The following PSD3 variants were observed in gnomAD, a reference collection of about 807,000 sequenced individuals.
The protein encoded by PSD3 is PH and SEC7 domain-containing protein 3.
A neutral mutation model predicts 105.5 loss-of-function variants in PSD3; 49 were observed. The observed-to-expected ratio is 0.46, with a 90% CI of 0.37 to 0.59. The LOEUF (loss-of-function observed/expected upper bound fraction) is 0.59. PSD3 is among the 20% of genes least tolerant of loss of function. PSD3 has a pLI of 0.00. For missense variants in PSD3, 1,561 were observed against 1,263.8 expected (o/e 1.24, Z -3.57); for synonymous variants, 557 against 457.8 (o/e 1.22, Z -2.77).
intron 1 of PSD3, among the ~76,000 whole-genome samples, chr8:19,063,269 A>T (rs1828964079): frequency 6.6e-6 from 1 of 152,224 alleles, no homozygotes; most frequent in African/African-American, 2.4e-5. Flanking sequence ...TAGCTTACCA[A>T]GAGTTAACCA....
chr8:18,554,038 G>T (rs1330735137), intron 15 of PSD3, among the ~76,000 whole-genome samples: 2 of 152,146 alleles, frequency 1.3e-5, no homozygotes, highest in Non-Finnish European at 2.9e-5. Context: ...TGAAAATGCT[G>T]GCTCTTGGTG....
chr8:18,742,133 A>C (rs972893608), intron 9 of PSD3, among the ~76,000 whole-genome samples: 15 of 152,246 alleles, frequency 9.9e-5, no homozygotes, highest in African/African-American at 3.6e-4. Flanking sequence ...CACAAGTCCA[A>C]GAGAACAGAA....
At chr8:18,905,746 A>G (rs1819802851) in intron 2 of PSD3, among the ~76,000 whole-genome samples, 4 of 152,182 alleles carry the variant, frequency 2.6e-5, no homozygotes, top group Admixed American at 2.6e-4. Flanking sequence ...AATACCTATC[A>G]TAGTATTCTG....
chr8:18,650,552 C>T (rs978669725), intron 10 of PSD3, among the ~76,000 whole-genome samples: 5 of 152,184 alleles, frequency 3.3e-5, no homozygotes, highest in South Asian at 2.1e-4. Flanking sequence ...CTCTTCATTA[C>T]AGTTTTTGTA....
At chr8:18,646,125 C>T (rs754464607) in intron 10 of PSD3, among the ~76,000 whole-genome samples, 11 of 152,126 alleles carry the variant, frequency 7.2e-5, no homozygotes, top group Non-Finnish European at 1.3e-4. Context: ...TCAAGAGGCA[C>T]AATAGCAACT....
intron 11 of PSD3, among the ~76,000 whole-genome samples, chr8:18,627,971 A>C (rs1419936286): frequency 6.6e-6 from 1 of 152,052 alleles, no homozygotes; most frequent in Non-Finnish European, 1.5e-5. Flanking sequence ...CCTGATAAGG[A>C]GAGAAACGGA....
intron 9 of PSD3, among the ~76,000 whole-genome samples, chr8:18,752,587 T>A (rs1333805865): frequency 1.1e-4 from 8 of 72,002 alleles, no homozygotes; most frequent in African/African-American, 2.6e-4. Context: ...TTATATATAT[T>A]ATATATTATA....
chr8:19,073,550 C>CAAAA lies in PSD3; in HGVS notation c.324+10652_324+10655dup, dbSNP rs869154642. Among the ~76,000 whole-genome samples the CAAAA allele has an allele frequency of 7.9e-3, 543 of 69,134 alleles. 28 individuals are homozygous for CAAAA. Among genetic ancestry groups the CAAAA allele is most frequent in the Middle Eastern group, 0.037 (3 of 80 alleles). The allele number at this position is 69,134 out of a possible 152,430, so 45.4% of individuals were successfully genotyped here. On this transcript the variant is annotated intron_variant, in intron 1 of 1. Coordinates refer to the PSD3 transcript ENST00000521475. ...TGGGCGACAGAGTGAAACTGTCTCT[C>CAAAA]AAAAAAAAAAAAAAAAAAAAAAAAA...
At chr8:18,926,111 TG>T (rs1341768071) in intron 2 of PSD3, among the ~76,000 whole-genome samples, 16 of 140,518 alleles carry the variant, frequency 1.1e-4, no homozygotes, top group East Asian at 9.5e-4. Context: ...AATGGTATGT[TG>T]TTTTTTTTTT....
intron 1 of PSD3, among the ~76,000 whole-genome samples, chr8:18,999,174 T>TGG (rs1826238153): frequency 6.6e-6 from 1 of 151,934 alleles, no homozygotes; most frequent in Non-Finnish European, 1.5e-5. Flanking sequence ...AATAACCCTT[T>TGG]TCATTCCTTA....
intron 9 of PSD3, among the ~76,000 whole-genome samples, chr8:18,705,141 C>T (rs937473854): frequency 6.6e-6 from 1 of 152,118 alleles, no homozygotes; most frequent in African/African-American, 2.4e-5. Context: ...TGCATTCATT[C>T]TTTGACTCAG....
intron 9 of PSD3, among the ~76,000 whole-genome samples, chr8:18,717,140 C>T (rs1241265197): frequency 1.3e-5 from 2 of 152,032 alleles, no homozygotes; most frequent in Non-Finnish European, 1.5e-5. Flanking sequence ...TTTTTTGTTC[C>T]CGTCTCCAAT....
intron 11 of PSD3, among the ~76,000 whole-genome samples, chr8:18,617,318 G>A (rs150027725): frequency 6.6e-6 from 1 of 152,090 alleles, no homozygotes; most frequent in Admixed American, 6.6e-5. Flanking sequence ...ATCACCTGAG[G>A]TAAGGGGTTC....
At chr8:18,565,998 T>C (rs904562474) in intron 14 of PSD3, among the ~76,000 whole-genome samples, 1 of 152,072 alleles carries the variant, frequency 6.6e-6, no homozygotes, top group African/African-American at 2.4e-5. Context: ...CGAATATGCC[T>C]GGGTTAAAGG....
At chr8:18,642,570 T>C (rs534367347) in intron 10 of PSD3, among the ~76,000 whole-genome samples, 1 of 152,304 alleles carries the variant, frequency 6.6e-6, no homozygotes, top group East Asian at 1.9e-4. Context: ...CCAGCCTCCA[T>C]AATTCTTTGC....
rs1586394271 is a variant in PSD3 at position 18,909,769 on chromosome 8, C to A, written c.130+26265G>T. On this transcript the variant is annotated intron_variant, in intron 2 of 15. Transcript: ENST00000327040. ...AAAGTGCTGGGATTACAGGTGTGAG[C>A]CACCATGCCAGTCCTGTAGTTGTTT... Among the ~76,000 whole-genome samples the A allele has an allele frequency of 2.6e-5, 4 of 152,348 alleles. No individual in the cohort carries two copies. The Middle Eastern group carries it at 0.014, about 518-fold the overall frequency.
chr8:19,027,400 A>T (rs1409126184), intron 1 of PSD3, among the ~76,000 whole-genome samples: 1 of 152,204 alleles, frequency 6.6e-6, no homozygotes, highest in Non-Finnish European at 1.5e-5. Flanking sequence ...ATCCACAGTC[A>T]GAAACCCCAG....
chr8:18,941,280 C>T (rs149093726), intron 1 of PSD3, among the ~76,000 whole-genome samples: 52 of 152,312 alleles, frequency 3.4e-4, no homozygotes, highest in African/African-American at 8.7e-4. Flanking sequence ...GATAGTACCA[C>T]GCAGTCTCAC....
chr8:18,760,862 G>C (rs1194300567), intron 9 of PSD3, among the ~76,000 whole-genome samples: 8 of 152,240 alleles, frequency 5.3e-5, no homozygotes, highest in Non-Finnish European at 1.0e-4. Flanking sequence ...TCCTGGACCT[G>C]ATCCTTCAGA....
Sources: gnomAD v4.1 joint callset for allele counts (sites outside exome capture counted in the v4.1 genomes callset) on GRCh38, gnomAD v4.1.1 for gene constraint, MANE v1.5 for transcripts, NCBI Gene and HGNC (gene_info 2026-07-23, HGNC 2026-07-21) for gene names.